DLGAP1: variants seen among roughly 807,000 people sequenced by gnomAD.
DLGAP1 encodes DLG associated protein 1.
In DLGAP1, 11 loss-of-function variants were observed where a neutral mutation model predicts 90.8. The observed-to-expected ratio is 0.12, with a 90% CI of 0.08 to 0.20. DLGAP1 has a LOEUF of 0.20. DLGAP1 is among the 10% of genes least tolerant of loss of function. The pLI, the probability that DLGAP1 is intolerant of heterozygous loss-of-function variation, is 1.00. For missense variants in DLGAP1, 1,050 were observed against 1,333.8 expected (o/e 0.79, Z 3.31); for synonymous variants, 558 against 540.7 (o/e 1.03, Z -0.44).
intron 3 of DLGAP1, among the ~76,000 whole-genome samples, chr18:3,968,996 G>T (rs1191100331): frequency 1.3e-5 from 2 of 151,980 alleles, no homozygotes; most frequent in African/African-American, 4.8e-5. Context: ...GGTGGCAAGA[G>T]ACCAGCGAGA....
At chr18:3,881,804 T>G (rs1042693476) in intron 3 of DLGAP1, among the ~76,000 whole-genome samples, 8 of 151,994 alleles carry the variant, frequency 5.3e-5, no homozygotes, top group Non-Finnish European at 8.8e-5. Context: ...TCCCAGCTAC[T>G]CGGGAGGCTG....
chr18:4,392,278 G>A lies in DLGAP1; in HGVS notation c.-267+62728C>T, dbSNP rs142109405. On this transcript the variant is annotated intron_variant, in intron 1 of 12. Transcript: ENST00000315677. ...ATCATTATGGTATGTTAGTGGAGGA[G>A]CTGCTCATATCCAGGTGGGACTTCT... Among the ~76,000 whole-genome samples, 1,090 of 152,232 alleles carry A rather than the reference G, an allele frequency of 7.2e-3. 28 individuals carry two copies. Among genetic ancestry groups the A allele is most frequent in the East Asian group, 0.045 (232 of 5,164 alleles).
chr18:3,650,338 C>T (rs1178840905), intron 7 of DLGAP1, among the ~76,000 whole-genome samples: 1 of 152,134 alleles, frequency 6.6e-6, no homozygotes, highest in Non-Finnish European at 1.5e-5. Flanking sequence ...GTCACCGTGC[C>T]TGGTTGAAAC....
intron 5 of DLGAP1, among the ~76,000 whole-genome samples, chr18:3,745,772 C>A (rs191665236): frequency 1.3e-5 from 2 of 151,718 alleles, no homozygotes; most frequent in Admixed American, 1.3e-4. Context: ...TCACTGCAAT[C>A]TCTGCCTCCT....
At position 4,085,052 on chromosome 18, in the gene DLGAP1, T is replaced by C. The variant is rs1283294439; in HGVS notation, c.-159+66128A>G. Among the ~76,000 whole-genome samples, 5 of 152,290 alleles carry C rather than the reference T, an allele frequency of 3.3e-5. No individual in the cohort carries two copies. The South Asian group carries it at 8.3e-4, about 25-fold the overall frequency. On this transcript the variant is annotated intron_variant, in intron 2 of 12. Transcript: ENST00000315677. ...GGAGGTTTTCTGTACTTCTGTGGCA[T>C]GAAAATAGAATGGATTATTCTATAT...
chr18:3,809,495 A>T (rs1011046780), intron 5 of DLGAP1, among the ~76,000 whole-genome samples: 3 of 152,230 alleles, frequency 2.0e-5, no homozygotes. Flanking sequence ...AGGCATTTAG[A>T]ACTGAAAATA....
intron 2 of DLGAP1, among the ~76,000 whole-genome samples, chr18:4,106,426 T>C (rs2075868856): frequency 6.6e-6 from 1 of 152,160 alleles, no homozygotes; most frequent in Non-Finnish European, 1.5e-5. Flanking sequence ...ATTCCGTGGG[T>C]GTAGGACGAG....
intron 5 of DLGAP1, among the ~76,000 whole-genome samples, chr18:3,811,436 A>G (rs1001304743): frequency 2.0e-5 from 3 of 152,230 alleles, no homozygotes; most frequent in Non-Finnish European, 2.9e-5. Context: ...ATAGGAAAAA[A>G]AAGTTCTCTT....
intron 3 of DLGAP1, among the ~76,000 whole-genome samples, chr18:4,002,916 A>T (rs1224749782): frequency 6.6e-6 from 1 of 152,138 alleles, no homozygotes; most frequent in Non-Finnish European, 1.5e-5. Flanking sequence ...GTCTGTGAAA[A>T]GTCTCTGCGT....
chr18:4,094,607 C>CTTTTTT (rs35060422), intron 2 of DLGAP1, among the ~76,000 whole-genome samples: 39 of 124,820 alleles, frequency 3.1e-4, no homozygotes, highest in South Asian at 5.1e-4. Context: ...CTTTCTCTTT[C>CTTTTTT]TTTTTTTTTT....
chr18:3,511,006 G>A (rs2050508769), intron 10 of DLGAP1, among the ~76,000 whole-genome samples: 1 of 152,206 alleles, frequency 6.6e-6, no homozygotes, highest in Non-Finnish European at 1.5e-5. Context: ...TATCTGGGGT[G>A]GAGTTGTGGC....
At chr18:4,448,314 T>C (rs2083719400) in intron 1 of DLGAP1, among the ~76,000 whole-genome samples, 1 of 152,150 alleles carries the variant, frequency 6.6e-6, no homozygotes, top group Non-Finnish European at 1.5e-5. Flanking sequence ...CATTTCAAGC[T>C]ACCCAAGGAG....
chr18:3,629,221 T>C (rs767741640), intron 7 of DLGAP1, among the ~76,000 whole-genome samples: 12 of 151,716 alleles, frequency 7.9e-5, no homozygotes, highest in Non-Finnish European at 1.5e-4. Context: ...GAGACTAGCC[T>C]GGGTAACACA....
intron 1 of DLGAP1, among the ~76,000 whole-genome samples, chr18:4,436,542 T>C (rs146376400): frequency 2.8e-4 from 43 of 152,180 alleles, no homozygotes; most frequent in African/African-American, 7.9e-4. Context: ...ACTAAAATCA[T>C]AGGACATGCT....
chr18:4,131,347 T>C (rs2144210694), intron 2 of DLGAP1, among the ~76,000 whole-genome samples: 1 of 152,288 alleles, frequency 6.6e-6, no homozygotes, highest in East Asian at 1.9e-4. Context: ...GAATAAGAAA[T>C]AGTGATATTT....
chr18:3,642,296 A>G (rs2058969492), intron 7 of DLGAP1, among the ~76,000 whole-genome samples: 1 of 152,200 alleles, frequency 6.6e-6, no homozygotes, highest in South Asian at 2.1e-4. Context: ...AAATCTGAAA[A>G]TCCAAAATCC....
chr18:4,085,107 G>A (rs910640046), intron 2 of DLGAP1, among the ~76,000 whole-genome samples: 1 of 152,146 alleles, frequency 6.6e-6, no homozygotes, highest in Non-Finnish European at 1.5e-5. Context: ...GAAAATGACC[G>A]AGGCAGGACA....
intron 2 of DLGAP1, among the ~76,000 whole-genome samples, chr18:4,051,193 A>T (rs1282325312): frequency 6.6e-6 from 1 of 152,110 alleles, no homozygotes; most frequent in Non-Finnish European, 1.5e-5. Context: ...ACACTCCTGG[A>T]TCTTAGTTAC....
intron 7 of DLGAP1, among the ~76,000 whole-genome samples, chr18:3,724,858 T>C (rs2062104548): frequency 1.3e-5 from 2 of 150,588 alleles, no homozygotes; most frequent in Admixed American, 6.6e-5. Flanking sequence ...TAAGTTATAA[T>C]CATACCACTG....
Sources: allele counts gnomAD v4.1 joint callset (sites outside exome capture counted in the v4.1 genomes callset), GRCh38; gene constraint gnomAD v4.1.1; transcripts MANE v1.5; gene names NCBI Gene and HGNC (gene_info 2026-07-23, HGNC 2026-07-21).